Variants in FBXO40 observed in about 807,000 individuals in gnomAD.
FBXO40 encodes the protein F-box only protein 40.
Under a neutral mutation model 49.9 loss-of-function variants are expected in FBXO40, and 50 were observed. The observed-to-expected ratio is 1.00, with a 90% CI of 0.80 to 1.27. The LOEUF is 1.27. Ranked by LOEUF, FBXO40 falls within the 50% of genes most tolerant of loss-of-function variation. The probability of loss-of-function intolerance (pLI) is 0.00; values close to 1 mark genes in which losing one functional copy is unlikely to be tolerated. For missense variants in FBXO40, 895 were observed against 870.1 expected (o/e 1.03, Z -0.36); for synonymous variants, 340 against 320.2 (o/e 1.06, Z -0.66).
At chr3:121,601,409 GAA>G (rs11339920) in intron 1 of FBXO40, among the ~76,000 whole-genome samples, 6,620 of 146,900 alleles carry the variant, frequency 0.045, 260 homozygotes, top group African/African-American at 0.1. Context: ...ATAGCAACAT[GAA>G]AAAAAAAAAG....
chr3:121,595,810 T>G (rs1018914467), intron 1 of FBXO40, among the ~76,000 whole-genome samples: 7 of 152,234 alleles, frequency 4.6e-5, no homozygotes, highest in Non-Finnish European at 8.8e-5. Flanking sequence ...TTAAAGTAAC[T>G]AATTAATTGG....
chr3:121,624,607 A>C (rs536618388), intron 3 of FBXO40, among the ~76,000 whole-genome samples: 1 of 152,302 alleles, frequency 6.6e-6, no homozygotes, highest in Non-Finnish European at 1.5e-5. Flanking sequence ...GATGGGAGGA[A>C]GGGAAGAATG....
chr3:121,598,401 G>A lies in FBXO40; in HGVS notation c.-31+4899G>A, dbSNP rs181380149. On this transcript the variant is annotated intron_variant, in intron 1 of 3. Coordinates refer to ENST00000338040, the MANE Select transcript of FBXO40 (RefSeq NM_016298.4). ...ATTGTGAAAAATTACGCCTTCTGCTGGTAAATATTGCCAATCCATTCTCCC... is the reference window on the plus strand; with the variant it reads ...ATTGTGAAAAATTACGCCTTCTGCTAGTAAATATTGCCAATCCATTCTCCC... Among the ~76,000 whole-genome samples the A allele has an allele frequency of 5.3e-4, 81 of 152,298 alleles. 1 individual carries two copies. The highest frequency in any genetic ancestry group is 1.9e-3 in the African/African-American group (79 of 41,566).
chr3:121,621,118 C>T (rs2049027152), intron 2 of FBXO40, among the ~76,000 whole-genome samples: 1 of 152,124 alleles, frequency 6.6e-6, no homozygotes, highest in South Asian at 2.1e-4. Context: ...TAGTATTATC[C>T]GTATGATATA....
chr3:121,625,046 C>T (rs1028082081), intron 3 of FBXO40, among the ~76,000 whole-genome samples: 1 of 152,028 alleles, frequency 6.6e-6, no homozygotes, highest in Non-Finnish European at 1.5e-5. Context: ...TGAATTTGGC[C>T]CACTGATTTC....
chr3:121,623,086 C>T lies in FBXO40; in HGVS notation c.1657C>T (p.Leu553=). Residue 553 remains leucine (L), a synonymous_variant, in exon 3 of 4, where the codon CTG becomes TTG. Transcript: ENST00000338040. ...CATTAAGCCGGAGGTTGCTCCAGAG[C>T]TGAGCGAGGGAAGGAAGAACAACCA... The part of the protein sequence containing the change: ...FAIKPEVAPE[L]SEGRKNNHLL... 8 of 1,614,240 alleles carry T rather than the reference C, an allele frequency of 5.0e-6. No individual in the cohort carries two copies. Among genetic ancestry groups the T allele is most frequent in the Non-Finnish European group, 6.8e-6 (8 of 1,180,046 alleles).
intron 1 of FBXO40, among the ~76,000 whole-genome samples, chr3:121,598,677 T>A (rs1282178472): frequency 6.6e-6 from 1 of 152,102 alleles, no homozygotes; most frequent in African/African-American, 2.4e-5. Flanking sequence ...TGGGCAGTGG[T>A]GGAGATGGAA....
At chr3:121,614,226 C>T (rs1576453431) in intron 1 of FBXO40, among the ~76,000 whole-genome samples, 1 of 144,378 alleles carries the variant, frequency 6.9e-6, no homozygotes, top group East Asian at 2.0e-4. Flanking sequence ...AAGATTGTGC[C>T]ACTACATTCC....
chr3:121,598,951 C>T (rs2048886644), intron 1 of FBXO40, among the ~76,000 whole-genome samples: 1 of 152,190 alleles, frequency 6.6e-6, no homozygotes, highest in Non-Finnish European at 1.5e-5. Context: ...ACACCTGGTC[C>T]TTCCACCAGC....
chr3:121,615,633 TGAAATGGGCAGATGTGC>T (rs1473101769), intron 1 of FBXO40, among the ~76,000 whole-genome samples: 1 of 151,470 alleles, frequency 6.6e-6, no homozygotes, highest in East Asian at 1.9e-4. Context: ...AAATTAAACT[TGAAATGGGCAGATGTGC>T]TCACTAAAGG....
chr3:121,613,661 C>G (rs1177883286), intron 1 of FBXO40, among the ~76,000 whole-genome samples: 1 of 152,184 alleles, frequency 6.6e-6, no homozygotes, highest in Non-Finnish European at 1.5e-5. Flanking sequence ...CTAATCTTGT[C>G]ACATATGGCT....
chr3:121,601,203 C>A (rs143198595), intron 1 of FBXO40, among the ~76,000 whole-genome samples: 6 of 152,196 alleles, frequency 3.9e-5, no homozygotes, highest in Non-Finnish European at 8.8e-5. Context: ...TCAGTGAGAA[C>A]AATTTCCCCC....
intron 1 of FBXO40, among the ~76,000 whole-genome samples, chr3:121,593,926 C>A (rs955721386): frequency 6.7e-6 from 1 of 149,614 alleles, no homozygotes; most frequent in African/African-American, 2.5e-5. Flanking sequence ...AGTGCAGTGG[C>A]ACCATCTTGG....
Position 121,623,257 on chromosome 3 carries a change from T to C in FBXO40, c.1828T>C (p.Leu610=). The C allele has an allele frequency of 6.2e-7, 1 of 1,614,204 alleles. No individual in the cohort carries two copies. Among genetic ancestry groups the C allele is most frequent in the Non-Finnish European group, 8.5e-7 (1 of 1,180,040 alleles). ...SVLMRNICAT[L]LQERGMVLLQ... is the part of the protein sequence containing the mutation. ...GCTGATGAGGAATATCTGTGCCACTTTGTTACAAGAGAGAGGAATGGTCCT... is the reference window on the plus strand; with the variant it reads ...GCTGATGAGGAATATCTGTGCCACTCTGTTACAAGAGAGAGGAATGGTCCT... The change falls in exon 3 of 4, where the codon TTG becomes CTG. Residue 610 remains leucine (L), a synonymous_variant. Coordinates refer to ENST00000338040, the MANE Select transcript of FBXO40 (RefSeq NM_016298.4).
In FBXO40 at chr3:121,626,925, C is replaced by A; in HGVS notation, c.*15C>A. On this transcript the variant is annotated 3_prime_UTR_variant, in exon 4 of 4. Coordinates refer to ENST00000338040, the MANE Select transcript of FBXO40 (RefSeq NM_016298.4). ...ACGTCTCCTAAAAATTCAGATGCCA[C>A]TCGATGCACCCTTCTTGGATTTCTT... 1 of 1,610,036 alleles carries A rather than the reference C, an allele frequency of 6.2e-7. No individual in the cohort carries two copies. Among genetic ancestry groups the A allele is most frequent in the South Asian group, 1.1e-5 (1 of 90,978 alleles).
chr3:121,626,853 C>T lies in FBXO40; in HGVS notation c.2073C>T (p.Ala691=). ...GCATGTGTCAGCCCCGTGAGCAGGC[C>T]CGAGAGAGCTTAGTCTCCACCTTTA... ...LTSMCQPREQ[A]RESLVSTFRI... is the part of the protein sequence containing the mutation. The change falls in exon 4 of 4, where the codon GCC becomes GCT. Residue 691 remains alanine (A), a synonymous_variant. Transcript: ENST00000338040. The T allele has an allele frequency of 6.2e-7, 1 of 1,614,064 alleles. No homozygotes were observed. Among genetic ancestry groups the T allele is most frequent in the Non-Finnish European group, 8.5e-7 (1 of 1,180,020 alleles).
intron 1 of FBXO40, among the ~76,000 whole-genome samples, chr3:121,595,395 G>C (rs541293004): frequency 6.6e-6 from 1 of 152,200 alleles, no homozygotes. Context: ...TTGAGTCCCA[G>C]CTACCCCTAG....
At chr3:121,597,640 A>G (rs1323423922) in intron 1 of FBXO40, among the ~76,000 whole-genome samples, 1 of 135,424 alleles carries the variant, frequency 7.4e-6, no homozygotes, top group African/African-American at 2.7e-5. Flanking sequence ...GTGCAACCCT[A>G]TTGGTTATTA....
In FBXO40 at chr3:121,629,785, A is replaced by G. The variant is rs139439512; in HGVS notation, c.*2875A>G. ...AGCGGTACCAAAGCCTTTCAGAGAG[A>G]CTATGGATTAGACAGAAATGATTTG... On this transcript the variant is annotated 3_prime_UTR_variant, in exon 4 of 4. Transcript: ENST00000338040. The G allele has an allele frequency of 2.0e-5, 3 of 152,370 alleles. No individual in the cohort carries two copies. The highest frequency in any genetic ancestry group is 4.4e-5 in the Non-Finnish European group (3 of 68,056). 9.4% of individuals were successfully genotyped at this position (152,370 alleles called of 1,614,324 possible). A position where few individuals can be genotyped will look rare whatever the true frequency, so the allele number is the denominator to read the frequency against.
Sources: gnomAD v4.1 joint callset for allele counts (sites outside exome capture counted in the v4.1 genomes callset) on GRCh38, gnomAD v4.1.1 for gene constraint, MANE v1.5 for transcripts, NCBI Gene and HGNC (gene_info 2026-07-23, HGNC 2026-07-21) for gene names.